ZCCHC7: variants seen among roughly 807,000 people sequenced by gnomAD.
ZCCHC7 encodes the protein zinc finger CCHC domain-containing protein 7.
A neutral mutation model predicts 52.0 loss-of-function variants in ZCCHC7; 35 were observed. The ratio of observed to expected loss-of-function variants is 0.67; its 90% CI spans 0.51 to 0.89. ZCCHC7 has a LOEUF of 0.89. ZCCHC7 is among the 40% of genes least tolerant of loss of function. ZCCHC7 has a pLI of 0.00. For missense variants in ZCCHC7, 574 were observed against 649.1 expected, an observed-to-expected ratio of 0.88 and a Z score of 1.26; for synonymous variants, 217 against 221.5, an observed-to-expected ratio of 0.98 and a Z score of 0.18.
intron 2 of ZCCHC7, among the ~76,000 whole-genome samples, chr9:37,190,947 G>A (rs759575769): frequency 2.0e-5 from 3 of 151,900 alleles, no homozygotes; most frequent in East Asian, 1.9e-4. Context: ...GCTTGAACCC[G>A]GGAGGCGGAG....
intron 6 of ZCCHC7, chr9:37,334,083 ATTCT>A (rs1369731731): frequency 1.3e-5 from 2 of 151,916 alleles, no homozygotes; most frequent in Non-Finnish European, 2.9e-5. Flanking sequence ...AGTGATGCCA[ATTCT>A]TTGTCGTGTT....
intron 2 of ZCCHC7, among the ~76,000 whole-genome samples, chr9:37,200,721 T>C (rs1293711592): frequency 6.6e-6 from 1 of 152,200 alleles, no homozygotes; most frequent in South Asian, 2.1e-4. Context: ...CTGTAAATTA[T>C]GCTTTGTGGA....
Position 37,164,494 on chromosome 9 carries a change from TAGATAGAC to T in ZCCHC7, c.610+37556_610+37563del, listed in dbSNP as rs1226196459. Among the ~76,000 whole-genome samples the T allele has an allele frequency of 2.1e-4, 26 of 123,256 alleles. No individual in the cohort carries two copies. The South Asian group carries it at 4.0e-3, about 19-fold the overall frequency. The allele number at this position is 123,256 out of a possible 152,430, so 80.9% of individuals were successfully genotyped here. ...ATAGATAGATAGATAGATAGATAGA[TAGATAGAC>T]AGACAAGATAGATAGACTCTGTCTC... On this transcript the variant is annotated intron_variant, in intron 2 of 8. Coordinates refer to ENST00000336755, the MANE Select transcript of ZCCHC7 (RefSeq NM_032226.3).
intron 2 of ZCCHC7, among the ~76,000 whole-genome samples, chr9:37,163,204 A>G (rs972656139): frequency 1.3e-5 from 2 of 151,564 alleles, no homozygotes; most frequent in African/African-American, 4.9e-5. Context: ...TGTCTCAAAA[A>G]CAAACAAACA....
chr9:37,269,583 C>T (rs1827286436), intron 2 of ZCCHC7, among the ~76,000 whole-genome samples: 1 of 115,744 alleles, frequency 8.6e-6, no homozygotes, highest in Non-Finnish European at 1.6e-5. Flanking sequence ...TGTACCACTG[C>T]ATTCCAACCT....
intron 2 of ZCCHC7, among the ~76,000 whole-genome samples, chr9:37,257,626 T>G (rs1328949501): frequency 6.6e-6 from 1 of 152,118 alleles, no homozygotes; most frequent in African/African-American, 2.4e-5. Context: ...TTAATTTTTT[T>G]TTTTTTAGTT....
At chr9:37,126,970 G>A in intron 2 of ZCCHC7, 28 bp downstream of exon 2, 4 of 1,604,036 alleles carry the variant, frequency 2.5e-6, no homozygotes, top group African/African-American at 1.3e-5. Flanking sequence ...CATTTTGAAA[G>A]TAGTATCATC....
intron 2 of ZCCHC7, among the ~76,000 whole-genome samples, chr9:37,151,889 G>A (rs552751368): frequency 6.6e-6 from 1 of 152,212 alleles, no homozygotes; most frequent in African/African-American, 2.4e-5. Flanking sequence ...GATCCTGTGG[G>A]TTGTTTCTTA....
chr9:37,338,460 T>C (rs974702214), intron 6 of ZCCHC7, among the ~76,000 whole-genome samples: 1 of 152,136 alleles, frequency 6.6e-6, no homozygotes, highest in Non-Finnish European at 1.5e-5. Context: ...TATACAAACA[T>C]AAAGTAGTGC....
intron 2 of ZCCHC7, among the ~76,000 whole-genome samples, chr9:37,272,370 G>A (rs929403108): frequency 1.3e-5 from 2 of 151,386 alleles, no homozygotes; most frequent in Non-Finnish European, 2.9e-5. Context: ...ATTCCTATGA[G>A]TTGGGGAATT....
chr9:37,270,693 A>G (rs532124019), intron 2 of ZCCHC7, among the ~76,000 whole-genome samples: 1 of 151,808 alleles, frequency 6.6e-6, no homozygotes, highest in Non-Finnish European at 1.5e-5. Context: ...AAAAAAAAAA[A>G]AAAGAAAAGA....
intron 2 of ZCCHC7, among the ~76,000 whole-genome samples, chr9:37,243,049 CATTTTAGAAAACCAAA>C (rs1825940707): frequency 6.6e-6 from 1 of 151,688 alleles, no homozygotes; most frequent in East Asian, 1.9e-4. Flanking sequence ...ATATTTCTTT[CATTTTAGAAAACCAAA>C]ATGCCCAGAT....
intron 6 of ZCCHC7, among the ~76,000 whole-genome samples, chr9:37,338,433 T>G: frequency 6.6e-6 from 1 of 152,148 alleles, no homozygotes; most frequent in East Asian, 1.9e-4. Context: ...CTTGACTACA[T>G]AAAATGAAGA....
At position 37,126,932 on chromosome 9, in the gene ZCCHC7, T is replaced by C. The variant is rs750995487; in HGVS notation, c.600T>C (p.Ser200=). The C allele has an allele frequency of 6.2e-7, 1 of 1,613,330 alleles. No homozygotes were observed. The highest frequency in any genetic ancestry group is 8.5e-7 in the Non-Finnish European group (1 of 1,179,894). Residue 200 remains serine, a synonymous_variant, in exon 2 of 9, where the codon TCT becomes TCC. Transcript: ENST00000336755. ...ILLNLVGCEN[S]VTEGEDGINW... ...TCAACCTTGTGGGATGTGAAAACTCTGTTACTGAAGGTTAGTATCATATTG... is the reference window on the plus strand; with the variant it reads ...TCAACCTTGTGGGATGTGAAAACTCCGTTACTGAAGGTTAGTATCATATTG...
intron 7 of ZCCHC7, among the ~76,000 whole-genome samples, chr9:37,353,634 T>C (rs1041303112): frequency 1.3e-5 from 2 of 152,190 alleles, no homozygotes; most frequent in African/African-American, 4.8e-5. Context: ...TAAAATGTTA[T>C]GGTTTTATAT....
rs73646338 is a variant in ZCCHC7 at position 37,240,849 on chromosome 9, C to T, written c.611-61339C>T. Among the ~76,000 whole-genome samples the T allele has an allele frequency of 1.1e-3, 160 of 151,524 alleles. 1 individual carries two copies. Among genetic ancestry groups the T allele is most frequent in the African/African-American group, 2.7e-3 (113 of 41,392 alleles). ...TTATTGTTAAGAAGCCACCCAACTA[C>T]GATTAAAAACATTTAATATGCAATA... On this transcript the variant is annotated intron_variant, in intron 2 of 8. Coordinates refer to ENST00000336755, the MANE Select transcript of ZCCHC7 (RefSeq NM_032226.3).
At chr9:37,314,980 T>C (rs1829750699) in intron 5 of ZCCHC7, among the ~76,000 whole-genome samples, 1 of 152,088 alleles carries the variant, frequency 6.6e-6, no homozygotes, top group Non-Finnish European at 1.5e-5. Context: ...TCGAACCCAA[T>C]ATGCAGTTAT....
intron 5 of ZCCHC7, among the ~76,000 whole-genome samples, chr9:37,308,470 A>G (rs1230766359): frequency 6.6e-6 from 1 of 152,124 alleles, no homozygotes; most frequent in Non-Finnish European, 1.5e-5. Flanking sequence ...ACTACAGAAC[A>G]GTTAAAAATT....
At chr9:37,321,635 A>G (rs1252888144) in intron 5 of ZCCHC7, among the ~76,000 whole-genome samples, 1 of 152,102 alleles carries the variant, frequency 6.6e-6, no homozygotes, top group Non-Finnish European at 1.5e-5. Flanking sequence ...ACTGTGGTCC[A>G]TGCCTGTAGT....
Sources: gnomAD v4.1 joint callset for allele counts (sites outside exome capture counted in the v4.1 genomes callset) on GRCh38, gnomAD v4.1.1 for gene constraint, MANE v1.5 for transcripts, NCBI Gene and HGNC (gene_info 2026-07-23, HGNC 2026-07-21) for gene names.